The following AGO4 variants were observed in gnomAD, a reference collection of about 807,000 sequenced individuals.
AGO4 encodes protein argonaute-4.
Under a neutral mutation model 104.7 loss-of-function variants are expected in AGO4, and 33 were observed. The observed-to-expected ratio is 0.32, with a 90% CI of 0.24 to 0.42. The LOEUF (loss-of-function observed/expected upper bound fraction) is 0.42, where lower values mean the gene tolerates loss of function less well. Ranked by LOEUF, AGO4 falls within the 10% of genes least tolerant of loss-of-function variation. The pLI is 1.00. For missense variants in AGO4, 711 were observed against 1,083.4 expected (o/e 0.66, Z 4.83); for synonymous variants, 331 against 364.7 (o/e 0.91, Z 1.05).
chr1:35,844,466 A>G (rs144796451), intron 15 of AGO4, among the ~76,000 whole-genome samples: 47 of 151,684 alleles, frequency 3.1e-4, no homozygotes, highest in African/African-American at 1.1e-3. Context: ...ACACCTTTAT[A>G]CTCTTCTCAA....
chr1:35,836,503 G>A (rs992128702), intron 13 of AGO4, among the ~76,000 whole-genome samples: 2 of 152,166 alleles, frequency 1.3e-5, no homozygotes, highest in Non-Finnish European at 2.9e-5. Flanking sequence ...TCCGCCTCCC[G>A]GGTTCACGCC....
rs376648938 is a variant in AGO4, at chr1:35,825,970, A to G, written c.670A>G (p.Met224Val). 3.1e-6 allele frequency: 5 copies of G among 1,614,010 alleles called. No individual in the cohort carries two copies. Among genetic ancestry groups the G allele is most frequent in the Non-Finnish European group, 4.2e-6 (5 of 1,180,042 alleles). ...FYRAQPIIEFMCEVLDIQNIN... is the reference protein window; with the variant it reads ...FYRAQPIIEFVCEVLDIQNIN... ...CCGGGCTCAGCCTATCATTGAGTTC[A>G]TGTGTGAGGTTTTAGACATTCAGAA... is the stretch of plus-strand genomic sequence containing the variant. Residue 224 changes from methionine (M) to valine (V), a missense_variant, in exon 6 of 18, where the codon ATG becomes GTG. Met to Val is a conservative substitution (Grantham distance 21). Coordinates refer to ENST00000373210, the MANE Select transcript of AGO4 (RefSeq NM_017629.4).
intron 1 of AGO4, among the ~76,000 whole-genome samples, chr1:35,815,132 C>G (rs1047634292): frequency 6.6e-6 from 1 of 152,178 alleles, no homozygotes; most frequent in Non-Finnish European, 1.5e-5. Flanking sequence ...CCTGCCTTGG[C>G]CTCCCGAAGT....
In AGO4 at chr1:35,853,527, C is replaced by G; in HGVS notation, c.2508C>G (p.Ser836Arg). The change falls in exon 18 of 18, where the codon AGC becomes AGG. Residue 836 changes from serine (S) to arginine (R), a missense_variant. By Grantham distance (110) the Ser-to-Arg change is moderately radical (BLOSUM62 -1). Coordinates refer to ENST00000373210, the MANE Select transcript of AGO4 (RefSeq NM_017629.4). ...AAGGCAGTCATGTGTCAGGACAGAG[C>G]AACGGCCGGGATCCTCAGGCCTTGG... ...SAEGSHVSGQ[S>R]NGRDPQALAK... 6.2e-7 allele frequency: 1 copy of G among 1,613,700 alleles called. No homozygotes were observed. Among genetic ancestry groups the G allele is most frequent in the South Asian group, 1.1e-5 (1 of 91,046 alleles).
At chr1:35,811,665 G>T (rs977595645) in intron 1 of AGO4, among the ~76,000 whole-genome samples, 2 of 151,740 alleles carry the variant, frequency 1.3e-5, no homozygotes, top group Admixed American at 1.3e-4. Flanking sequence ...GTGCAGTGGC[G>T]CCATCTCGGC....
Position 35,857,396 on chromosome 1 carries a change from GA to G in AGO4, c.*3795del, listed in dbSNP as rs1331737397. On this transcript the variant is annotated 3_prime_UTR_variant, in exon 18 of 18. Coordinates refer to ENST00000373210, the MANE Select transcript of AGO4 (RefSeq NM_017629.4). The stretch of plus-strand genomic sequence containing the variant: ...CATGCTCTTTCTACGTCTAGTGGCT[GA>G]AAATGTTTGCATTTGTTCATTTGAC... 1 of 152,196 alleles carries G rather than the reference GA, an allele frequency of 6.6e-6. No individual in the cohort carries two copies. The allele number at this position is 152,196 out of a possible 1,614,324, so 9.4% of individuals were successfully genotyped here.
chr1:35,829,514 A>G (rs1438996415), intron 7 of AGO4, among the ~76,000 whole-genome samples: 1 of 152,110 alleles, frequency 6.6e-6, no homozygotes, highest in Non-Finnish European at 1.5e-5. Context: ...CTGCACCACT[A>G]CTTTGTAAGG....
chr1:35,838,360 AT>A (rs201141909), intron 13 of AGO4, among the ~76,000 whole-genome samples: 1 of 151,454 alleles, frequency 6.6e-6, no homozygotes, highest in Non-Finnish European at 1.5e-5. Context: ...CCAGCCTTAA[AT>A]TTTTTTTTAA....
At chr1:35,843,230 T>C (rs754017137) in intron 15 of AGO4, among the ~76,000 whole-genome samples, 6 of 152,152 alleles carry the variant, frequency 3.9e-5, no homozygotes, top group Admixed American at 2.6e-4. Context: ...CATGCCCAGC[T>C]AATTTTTGTA....
At chr1:35,822,671 T>C (rs542350381) in intron 2 of AGO4, among the ~76,000 whole-genome samples, 191 bp from the exon 3 acceptor site, 1 of 152,234 alleles carries the variant, frequency 6.6e-6, no homozygotes, top group Non-Finnish European at 1.5e-5. Context: ...CATCTTACAG[T>C]TGTTTTTGTA....
At chr1:35,828,720 T>A (rs1236185954) in intron 7 of AGO4, among the ~76,000 whole-genome samples, 1 of 152,000 alleles carries the variant, frequency 6.6e-6, no homozygotes, top group East Asian at 1.9e-4. Flanking sequence ...AGGGTTCCTC[T>A]ATGTTGGCCA....
intron 7 of AGO4, among the ~76,000 whole-genome samples, chr1:35,827,145 G>T (rs896744442): frequency 6.6e-6 from 1 of 152,038 alleles, no homozygotes; most frequent in African/African-American, 2.4e-5. Flanking sequence ...AGGTTACAGT[G>T]AGCCGAGGTC....
At chr1:35,837,662 G>C (rs963611643) in intron 13 of AGO4, among the ~76,000 whole-genome samples, 9 of 151,938 alleles carry the variant, frequency 5.9e-5, no homozygotes, top group African/African-American at 1.9e-4. Context: ...TTACAGGCAT[G>C]AGCCACCATG....
At chr1:35,843,167 G>A (rs1644488873) in intron 15 of AGO4, among the ~76,000 whole-genome samples, 1 of 152,128 alleles carries the variant, frequency 6.6e-6, no homozygotes, top group African/African-American at 2.4e-5. Context: ...CGAGGTTCAA[G>A]CGATTCTCCT....
intron 3 of AGO4, among the ~76,000 whole-genome samples, chr1:35,823,799 G>A (rs369796784): frequency 1.3e-5 from 2 of 148,742 alleles, no homozygotes; most frequent in Non-Finnish European, 3.0e-5. Context: ...GGACAGGCTG[G>A]TGTCAAACTC....
At chr1:35,830,973 CAAAA>C (rs543347096) in intron 7 of AGO4, among the ~76,000 whole-genome samples, 4 of 57,092 alleles carry the variant, frequency 7.0e-5, no homozygotes, top group Non-Finnish European at 1.1e-4. Context: ...CTCTGTCTCA[CAAAA>C]AAAAAAAAAA....
At chr1:35,843,844 T>C (rs1160150066) in intron 15 of AGO4, among the ~76,000 whole-genome samples, 3 of 152,218 alleles carry the variant, frequency 2.0e-5, no homozygotes, top group Non-Finnish European at 4.4e-5. Flanking sequence ...AAACTATCTA[T>C]TAAGCTATTA....
chr1:35,845,294 G>A (rs562933621), intron 15 of AGO4, among the ~76,000 whole-genome samples: 16 of 142,690 alleles, frequency 1.1e-4, no homozygotes, highest in African/African-American at 3.9e-4. Flanking sequence ...TGCAATCTCT[G>A]CCTCCCGGGT....
At chr1:35,811,079 C>G (rs764818593) in intron 1 of AGO4, among the ~76,000 whole-genome samples, 2 of 151,748 alleles carry the variant, frequency 1.3e-5, no homozygotes, top group African/African-American at 2.4e-5. Flanking sequence ...CTTGAGCCTG[C>G]GAGGCAGAGG....
Sources: allele counts gnomAD v4.1 joint callset (sites outside exome capture counted in the v4.1 genomes callset), GRCh38; gene constraint gnomAD v4.1.1; transcripts MANE v1.5; gene names NCBI Gene and HGNC (gene_info 2026-07-23, HGNC 2026-07-21).